Variants in GPC6 observed in about 807,000 individuals in gnomAD.
GPC6 encodes the protein glypican 6, also known as glypican-6.
A neutral mutation model predicts 55.2 loss-of-function variants in GPC6; 14 were observed. The ratio of observed to expected loss-of-function variants is 0.25; its 90% confidence interval spans 0.17 to 0.40. GPC6 has a LOEUF of 0.40. Among genes scored for constraint, GPC6 ranks in the 10% least tolerant of loss-of-function variants. GPC6 has a pLI of 1.00. For synonymous variants in GPC6, 278 were observed against 259.6 expected (o/e 1.07, Z -0.68); for missense variants, 641 against 708.5 (o/e 0.90, Z 1.08).
intron 3 of GPC6, among the ~76,000 whole-genome samples, chr13:93,917,442 A>G (rs1877347520): frequency 6.6e-6 from 1 of 152,198 alleles, no homozygotes; most frequent in African/African-American, 2.4e-5. Flanking sequence ...CATGAATTAT[A>G]AGTCTTTTGG....
At chr13:93,547,672 A>G (rs1319060026) in intron 2 of GPC6, among the ~76,000 whole-genome samples, 1 of 152,094 alleles carries the variant, frequency 6.6e-6, no homozygotes, top group Admixed American at 6.5e-5. Context: ...ATTGAGTTGG[A>G]TGGGAGAGAA....
At chr13:94,145,760 A>G (rs1196032532) in intron 4 of GPC6, among the ~76,000 whole-genome samples, 25 of 152,192 alleles carry the variant, frequency 1.6e-4, no homozygotes, top group Admixed American at 1.6e-3. Flanking sequence ...TAAAGGAGTC[A>G]TACTTATAAA....
At chr13:94,254,181 GTAC>G (rs1266125443) in intron 4 of GPC6, among the ~76,000 whole-genome samples, 1 of 152,130 alleles carries the variant, frequency 6.6e-6, no homozygotes, top group Admixed American at 6.6e-5. Flanking sequence ...CCTTTGGCAT[GTAC>G]TGGCCTTTCT....
intron 2 of GPC6, among the ~76,000 whole-genome samples, chr13:93,616,826 T>C (rs1878743891): frequency 6.6e-6 from 1 of 152,120 alleles, no homozygotes. Context: ...ACCATTGACG[T>C]GCTCCTTTTT....
intron 4 of GPC6, among the ~76,000 whole-genome samples, chr13:94,199,739 A>G (rs1255849789): frequency 6.6e-6 from 1 of 152,094 alleles, no homozygotes; most frequent in African/African-American, 2.4e-5. Context: ...AATAAATGCT[A>G]CCTCTTATTG....
intron 1 of GPC6, among the ~76,000 whole-genome samples, chr13:93,480,019 A>G (rs1323681203): frequency 6.6e-6 from 1 of 152,228 alleles, no homozygotes; most frequent in African/African-American, 2.4e-5. Context: ...GTTGCATTTT[A>G]GAAACATTGA....
At chr13:93,525,965 A>G (rs868301337) in intron 1 of GPC6, among the ~76,000 whole-genome samples, 51 of 152,228 alleles carry the variant, frequency 3.4e-4, no homozygotes, top group African/African-American at 1.1e-3. Flanking sequence ...ACAACATTGT[A>G]GGATCCTAGA....
chr13:94,012,224 C>G (rs1480631070), intron 3 of GPC6, among the ~76,000 whole-genome samples: 12 of 152,202 alleles, frequency 7.9e-5, no homozygotes, highest in African/African-American at 2.9e-4. Flanking sequence ...CATTACCAAA[C>G]TAGTGTATAA....
At chr13:93,616,094 G>A (rs980033340) in intron 2 of GPC6, among the ~76,000 whole-genome samples, 1 of 151,966 alleles carries the variant, frequency 6.6e-6, no homozygotes, top group Admixed American at 6.6e-5. Flanking sequence ...TAAACAATTT[G>A]TCTCTTTAGT....
intron 4 of GPC6, among the ~76,000 whole-genome samples, chr13:94,271,394 A>ACG (rs1892018975): frequency 1.6e-5 from 2 of 128,652 alleles, no homozygotes; most frequent in Non-Finnish European, 3.8e-5. Context: ...ACACACACAC[A>ACG]CACACACACA....
intron 2 of GPC6, among the ~76,000 whole-genome samples, chr13:93,761,021 A>G (rs1405915748): frequency 2.6e-5 from 4 of 152,236 alleles, no homozygotes; most frequent in Non-Finnish European, 5.9e-5. Flanking sequence ...AGTCTTCAAT[A>G]TATGAGCAGT....
chr13:93,475,639 A>G (rs1879276685), intron 1 of GPC6, among the ~76,000 whole-genome samples: 1 of 152,182 alleles, frequency 6.6e-6, no homozygotes, highest in Admixed American at 6.5e-5. Flanking sequence ...TTCTTTCACT[A>G]TATGTTCAAG....
At chr13:93,700,042 G>C (rs976590251) in intron 2 of GPC6, among the ~76,000 whole-genome samples, 1 of 151,842 alleles carries the variant, frequency 6.6e-6, no homozygotes, top group Non-Finnish European at 1.5e-5. Flanking sequence ...AAAAATCAAA[G>C]GAAAGACAAA....
chr13:93,980,082 T>A (rs1243795384), intron 3 of GPC6, among the ~76,000 whole-genome samples: 2 of 152,090 alleles, frequency 1.3e-5, no homozygotes, highest in Non-Finnish European at 2.9e-5. Flanking sequence ...ATCTTACGAT[T>A]CCCTCCCACA....
chr13:93,324,984 G>A (rs1416251664), intron 1 of GPC6, among the ~76,000 whole-genome samples: 1 of 152,012 alleles, frequency 6.6e-6, no homozygotes, highest in Non-Finnish European at 1.5e-5. Context: ...CCCCTCTAAT[G>A]TATTTGCCTG....
At chr13:94,047,665 A>G (rs1451724982) in intron 4 of GPC6, among the ~76,000 whole-genome samples, 1 of 152,170 alleles carries the variant, frequency 6.6e-6, no homozygotes, top group Admixed American at 6.6e-5. Context: ...GTAATAAAGA[A>G]AAACGGTTTT....
chr13:94,363,975 GT>G (rs1294189525), intron 6 of GPC6, among the ~76,000 whole-genome samples: 2 of 152,210 alleles, frequency 1.3e-5, no homozygotes, highest in Non-Finnish European at 2.9e-5. Context: ...TTGAAACAAT[GT>G]TTTGAATAAG....
intron 4 of GPC6, among the ~76,000 whole-genome samples, chr13:94,092,296 C>T (rs1472375725): frequency 6.6e-6 from 1 of 152,048 alleles, no homozygotes; most frequent in Non-Finnish European, 1.5e-5. Flanking sequence ...TCCCCATTTT[C>T]CCCACCCACT....
intron 1 of GPC6, among the ~76,000 whole-genome samples, chr13:93,377,579 C>T (rs551088427): frequency 6.6e-5 from 10 of 152,266 alleles, no homozygotes; most frequent in African/African-American, 2.4e-4. Flanking sequence ...CTAGAGCCCT[C>T]GTTGTTGGCA....
Sources: gnomAD v4.1 joint callset for allele counts (sites outside exome capture counted in the v4.1 genomes callset) on GRCh38, gnomAD v4.1.1 for gene constraint, MANE v1.5 for transcripts, NCBI Gene and HGNC (gene_info 2026-07-23, HGNC 2026-07-21) for gene names.